PREX1: variants seen among roughly 807,000 people sequenced by gnomAD.
The protein encoded by PREX1 is phosphatidylinositol-3,4,5-trisphosphate dependent Rac exchange factor 1, also known as phosphatidylinositol 3,4,5-trisphosphate-dependent Rac exchanger 1 protein.
PREX1 carries 41 observed loss-of-function variants against 198.3 expected under a neutral mutation model. That is an observed-to-expected ratio of 0.21 (90% CI 0.16 to 0.27). The LOEUF (loss-of-function observed/expected upper bound fraction) is 0.27. Among genes scored for constraint, PREX1 ranks in the 10% least tolerant of loss-of-function variants. The pLI, the probability that PREX1 is intolerant of heterozygous loss-of-function variation, is 1.00. For missense variants in PREX1, 1,620 were observed against 2,200.7 expected, an observed-to-expected ratio of 0.74 and a Z score of 5.28; for synonymous variants, 843 against 887.2, an observed-to-expected ratio of 0.95 and a Z score of 0.89.
upstream of PREX1, among the ~76,000 whole-genome samples, chr20:48,828,142 G>T (rs949016366): frequency 6.7e-6 from 1 of 150,064 alleles, no homozygotes; most frequent in African/African-American, 2.4e-5. Context: ...CGCCGCGCTC[G>T]GCCGCAGAGG....
At chr20:48,802,427 G>A (rs1021189439) in intron 1 of PREX1, among the ~76,000 whole-genome samples, 1 of 152,038 alleles carries the variant, frequency 6.6e-6, no homozygotes, top group Non-Finnish European at 1.5e-5. Context: ...CCCTGCCTCG[G>A]GGCCTTTGCA....
intron 14 of PREX1, among the ~76,000 whole-genome samples, chr20:48,675,217 C>T (rs920082688): frequency 6.6e-6 from 1 of 152,166 alleles, no homozygotes; most frequent in Non-Finnish European, 1.5e-5. Context: ...GGAGTCTGCC[C>T]CTCCCATCCC....
intron 1 of PREX1, among the ~76,000 whole-genome samples, chr20:48,817,400 T>C (rs1009672116): frequency 2.0e-5 from 3 of 152,152 alleles, no homozygotes; most frequent in Non-Finnish European, 2.9e-5. Flanking sequence ...ACTGTTCCTC[T>C]GCAAAAAGTA....
chr20:48,799,387 G>A (rs970215521), intron 1 of PREX1, among the ~76,000 whole-genome samples: 12 of 152,250 alleles, frequency 7.9e-5, no homozygotes, highest in African/African-American at 2.4e-4. Flanking sequence ...AGAGGAAAAC[G>A]TTCGAAACAT....
intron 19 of PREX1, among the ~76,000 whole-genome samples, chr20:48,654,445 GT>G (rs1424240100): frequency 1.3e-5 from 2 of 152,200 alleles, no homozygotes. Context: ...CTCTGGGGCT[GT>G]CCTGTGCACT....
chr20:48,805,100 C>T (rs1238911750), intron 1 of PREX1, among the ~76,000 whole-genome samples: 1 of 152,184 alleles, frequency 6.6e-6, no homozygotes, highest in Non-Finnish European at 1.5e-5. Flanking sequence ...AAATGGTCCC[C>T]ATCTCCTTAC....
At chr20:48,723,832 G>A (rs912683367) in intron 5 of PREX1, among the ~76,000 whole-genome samples, 1 of 152,176 alleles carries the variant, frequency 6.6e-6, no homozygotes, top group African/African-American at 2.4e-5. Flanking sequence ...CTCACATCGA[G>A]CCTAGAGTCC....
chr20:48,860,347 A>G, the PREX1 span, among the ~76,000 whole-genome samples: 1 of 152,246 alleles, frequency 6.6e-6, no homozygotes, highest in African/African-American at 2.4e-5. Flanking sequence ...GACAGAAGGT[A>G]GAATGGCAGT....
chr20:48,831,676 GAGA>G (rs1045422630), upstream of PREX1, among the ~76,000 whole-genome samples: 12 of 152,332 alleles, frequency 7.9e-5, 1 homozygote, highest in Admixed American at 4.6e-4. Flanking sequence ...AGAGCAGGGA[GAGA>G]AGGACAATAA....
intron 15 of PREX1, among the ~76,000 whole-genome samples, chr20:48,661,543 G>GTATATA (rs1188265918): frequency 1.2e-4 from 10 of 86,298 alleles, no homozygotes; most frequent in African/African-American, 3.4e-4. Context: ...GTGTGTGTGT[G>GTATATA]TATATATATA....
intron 1 of PREX1, among the ~76,000 whole-genome samples, chr20:48,825,708 T>C (rs996708076): frequency 6.6e-6 from 1 of 151,968 alleles, no homozygotes; most frequent in African/African-American, 2.4e-5. Context: ...TTGGTTTGTA[T>C]TTCCTGTTTC....
intron 1 of PREX1, among the ~76,000 whole-genome samples, chr20:48,804,609 C>T (rs1490039650): frequency 6.6e-6 from 1 of 152,108 alleles, no homozygotes; most frequent in Admixed American, 6.5e-5. Flanking sequence ...TCAGATAGGA[C>T]GAATGTGACC....
chr20:48,860,833 CAAA>C, the PREX1 span, among the ~76,000 whole-genome samples: 7 of 110,764 alleles, frequency 6.3e-5, no homozygotes, highest in Admixed American at 9.5e-5. Flanking sequence ...GACTCTGCCT[CAAA>C]AAAAAAAAAA....
the PREX1 span, among the ~76,000 whole-genome samples, chr20:48,862,794 T>A: frequency 0.017 from 1,460 of 88,220 alleles, 25 homozygotes; most frequent in Non-Finnish European, 0.025. Flanking sequence ...AAAAAAAATA[T>A]ATATATATAT....
At chr20:48,748,777 C>T (rs531277436) in intron 1 of PREX1, among the ~76,000 whole-genome samples, 5 of 152,262 alleles carry the variant, frequency 3.3e-5, no homozygotes, top group African/African-American at 9.6e-5. Flanking sequence ...TGTGGGGTCA[C>T]GTGGGGAGGC....
chr20:48,692,603 A>G, intron 8 of PREX1, 69 bp downstream of exon 8: 3 of 1,289,392 alleles, frequency 2.3e-6, no homozygotes, highest in Non-Finnish European at 2.2e-6. Flanking sequence ...TATTTAAATG[A>G]AACAGAGAGA....
intron 14 of PREX1, among the ~76,000 whole-genome samples, chr20:48,672,790 C>A (rs1344796128): frequency 6.6e-6 from 1 of 152,220 alleles, no homozygotes; most frequent in Non-Finnish European, 1.5e-5. Flanking sequence ...AACTGCACCA[C>A]CCCGCCCATG....
At chr20:48,872,931 C>T in the PREX1 span, among the ~76,000 whole-genome samples, 8 of 152,146 alleles carry the variant, frequency 5.3e-5, no homozygotes, top group Non-Finnish European at 7.3e-5. Context: ...GCTGGGCACT[C>T]TGTTTCCTGA....
At chr20:48,762,008 C>G (rs1351042112) in intron 1 of PREX1, among the ~76,000 whole-genome samples, 2 of 152,204 alleles carry the variant, frequency 1.3e-5, no homozygotes, top group African/African-American at 4.8e-5. Flanking sequence ...AATTTCCCAC[C>G]ACCCAACCCA....
Sources: gnomAD v4.1 joint callset for allele counts (sites outside exome capture counted in the v4.1 genomes callset) on GRCh38, gnomAD v4.1.1 for gene constraint, MANE v1.5 for transcripts, NCBI Gene and HGNC (gene_info 2026-07-23, HGNC 2026-07-21) for gene names.